The following CDKL4 variants were observed in gnomAD, a reference collection of about 807,000 sequenced individuals.
CDKL4 encodes cyclin-dependent kinase-like 4.
CDKL4 carries 44 observed loss-of-function variants against 42.0 expected under a neutral mutation model. That is an observed-to-expected ratio of 1.05 (90% CI 0.82 to 1.35). The LOEUF (loss-of-function observed/expected upper bound fraction) is 1.35, where lower values mean the gene tolerates loss of function less well. Ranked by LOEUF, CDKL4 falls within the 40% of genes most tolerant of loss-of-function variation. The probability of loss-of-function intolerance (pLI) is 0.00; values close to 1 mark genes in which losing one functional copy is unlikely to be tolerated. For synonymous variants in CDKL4, 120 were observed against 121.6 expected, an observed-to-expected ratio of 0.99 and a Z score of 0.09; for missense variants, 393 against 369.9, an observed-to-expected ratio of 1.06 and a Z score of -0.51.
chr2:39,223,658 G>C (rs1342736310), intron 3 of CDKL4, among the ~76,000 whole-genome samples: 2 of 146,438 alleles, frequency 1.4e-5, no homozygotes, highest in Non-Finnish European at 3.0e-5. Flanking sequence ...TGTTACCCAG[G>C]TTAGAGTGCA....
At chr2:39,204,562 A>T (rs746115252) in exon 5 of CDKL4, 2 of 1,610,248 alleles carry the variant, frequency 1.2e-6, no homozygotes, top group South Asian at 1.1e-5. Flanking sequence ...ACAAATCTTG[A>T]TTATTCCTTG....
intron 7 of CDKL4, 106 bp from the exon 8 acceptor site, chr2:39,184,753 G>T: frequency 1.4e-6 from 1 of 703,590 alleles, no homozygotes; most frequent in Non-Finnish European, 2.4e-6. Context: ...TGTGTATTTA[G>T]AGATACTGTC....
At chr2:39,184,338 G>C (rs1459257821) in intron 8 of CDKL4, among the ~76,000 whole-genome samples, 3 of 152,176 alleles carry the variant, frequency 2.0e-5, no homozygotes, top group Non-Finnish European at 4.4e-5. Context: ...CTTGGGCCTA[G>C]TGCAGGAGCT....
At position 39,183,519 on chromosome 2, in the gene CDKL4, A is replaced by G. The variant is rs1344537803; in HGVS notation, c.792+1072T>C. Among the ~76,000 whole-genome samples the G allele has an allele frequency of 2.0e-5, 3 of 152,300 alleles. No individual in the cohort carries two copies. In the East Asian group the frequency reaches 5.8e-4, roughly 29 times the overall value. ...GAGATGAGGACAGGGAACTTGTCCT[A>G]TATCTTGCAGTTTTCATGCCCCAGA... On this transcript the variant is annotated intron_variant, in intron 8 of 9. Transcript: ENST00000451199.
chr2:39,195,572 A>G (rs1286390811), intron 5 of CDKL4, among the ~76,000 whole-genome samples: 1 of 151,668 alleles, frequency 6.6e-6, no homozygotes, highest in Non-Finnish European at 1.5e-5. Context: ...TACCATAAGC[A>G]TCTTTCATGT....
At chr2:39,234,884 A>T (rs1001838258) in intron 1 of CDKL4, among the ~76,000 whole-genome samples, 35 of 150,606 alleles carry the variant, frequency 2.3e-4, no homozygotes, top group Admixed American at 5.9e-4. Context: ...ATAAACATTT[A>T]AAAAAAATTT....
chr2:39,229,733 G>GTTAGT (rs1314516525), intron 1 of CDKL4, 145 bp from the exon 2 acceptor site: 2 of 446,622 alleles, frequency 4.5e-6, no homozygotes, highest in Non-Finnish European at 7.8e-6. Flanking sequence ...ATATTATTTT[G>GTTAGT]TTAGTTTAGT....
chr2:39,230,959 C>A (rs969173693), intron 1 of CDKL4, among the ~76,000 whole-genome samples: 1 of 152,148 alleles, frequency 6.6e-6, no homozygotes, highest in African/African-American at 2.4e-5. Flanking sequence ...CTTGTAATCC[C>A]AGAACTCTGG....
chr2:39,186,083 T>C (rs762443945), intron 7 of CDKL4, among the ~76,000 whole-genome samples: 45 of 152,092 alleles, frequency 3.0e-4, no homozygotes, highest in Non-Finnish European at 4.6e-4. Context: ...TGAAAGATAA[T>C]GGTGGGAAAC....
At chr2:39,186,086 T>G (rs368304529) in intron 7 of CDKL4, among the ~76,000 whole-genome samples, 1 of 152,168 alleles carries the variant, frequency 6.6e-6, no homozygotes, top group African/African-American at 2.4e-5. Flanking sequence ...AAGATAATGG[T>G]GGGAAACTTA....
intron 7 of CDKL4, among the ~76,000 whole-genome samples, chr2:39,185,417 TATATATATACATATGTATATATAC>T (rs1675754286): frequency 1.5e-4 from 3 of 20,180 alleles, no homozygotes; most frequent in Non-Finnish European, 7.5e-4. Context: ...TATATATACA[TATATATATACATATGTATATATAC>T]ATGTATATAT....
chr2:39,245,768 G>A (rs1448851551), upstream of CDKL4, among the ~76,000 whole-genome samples: 2 of 152,206 alleles, frequency 1.3e-5, no homozygotes, highest in African/African-American at 4.8e-5. Context: ...TCTGTCATTA[G>A]TCATTACTTT....
At chr2:39,194,384 G>C (rs889680929) in intron 5 of CDKL4, among the ~76,000 whole-genome samples, 3 of 152,214 alleles carry the variant, frequency 2.0e-5, no homozygotes, top group East Asian at 1.9e-4. Context: ...TGAGGTGGGA[G>C]GATTGCTTGA....
At position 39,225,824 on chromosome 2, in the gene CDKL4, T is replaced by C; in HGVS notation, c.290+15A>G. The C allele has an allele frequency of 1.3e-6, 2 of 1,590,740 alleles. No homozygotes were observed. The highest frequency in any genetic ancestry group is 1.8e-5 in the Admixed American group (1 of 55,628). Reference sequence around the variant, plus strand: ...AGAACTGGCTGTACAGAATTTCAGTTTCCAGATTACTTACCCATTTGGGTT... The same window carrying C: ...AGAACTGGCTGTACAGAATTTCAGTCTCCAGATTACTTACCCATTTGGGTT... On this transcript the variant is annotated intron_variant, in intron 3 of 9. Transcript: ENST00000451199.
rs372580310 is a variant in CDKL4 at position 39,223,520 on chromosome 2, T to C, written c.290+2319A>G. 4.2e-4 allele frequency among the ~76,000 whole-genome samples: 64 copies of C among 151,678 alleles called. 1 individual carries two copies. The highest frequency in any genetic ancestry group is 1.5e-3 in the African/African-American group (61 of 41,286). Reference sequence around the variant, plus strand: ...TGGTACCTTGCTAAAAAGTTTTGAATTTCCTTGATTAATAGGGAAGGATAA... The same window carrying C: ...TGGTACCTTGCTAAAAAGTTTTGAACTTCCTTGATTAATAGGGAAGGATAA... On this transcript the variant is annotated intron_variant, in intron 3 of 9. Transcript: ENST00000451199.
intron 3 of CDKL4, 77 bp from the exon 4 acceptor site, chr2:39,213,549 A>C: frequency 1.1e-6 from 1 of 930,182 alleles, no homozygotes; most frequent in East Asian, 2.4e-5. Flanking sequence ...ATAGAAGTGG[A>C]GTGGTGAGGG....
chr2:39,210,150 C>T (rs1341726180), intron 4 of CDKL4, among the ~76,000 whole-genome samples: 1 of 151,988 alleles, frequency 6.6e-6, no homozygotes, highest in African/African-American at 2.4e-5. Context: ...ATTGCCATGC[C>T]CGGCTAATTT....
chr2:39,246,225 T>C (rs1679908004), upstream of CDKL4, among the ~76,000 whole-genome samples: 1 of 152,168 alleles, frequency 6.6e-6, no homozygotes, highest in Admixed American at 6.6e-5. Flanking sequence ...CATGCTGAAA[T>C]CTCCCATCTT....
Position 39,226,004 on chromosome 2 carries a change from T to C in CDKL4, c.169-44A>G, listed in dbSNP as rs1678692672. 1.3e-6 allele frequency: 2 copies of C among 1,583,796 alleles called. 1 individual carries two copies. Among genetic ancestry groups the C allele is most frequent in the Middle Eastern group, 4.3e-4 (2 of 4,624 alleles). On this transcript the variant is annotated intron_variant, in intron 2 of 9. Transcript: ENST00000451199. ...GCAAAGTTAAGTGATCTGTTACTAG[T>C]AAAAGCTTCTACCCAGACCCCTTAA...
Sources: allele counts gnomAD v4.1 joint callset (sites outside exome capture counted in the v4.1 genomes callset), GRCh38; gene constraint gnomAD v4.1.1; transcripts MANE v1.5; gene names NCBI Gene and HGNC (gene_info 2026-07-23, HGNC 2026-07-21).